SENP6: variants seen among roughly 807,000 people sequenced by gnomAD.
The protein encoded by SENP6 is SUMO specific peptidase 6, also known as sentrin-specific protease 6.
A neutral mutation model predicts 134.5 loss-of-function variants in SENP6; 41 were observed. The ratio of observed to expected loss-of-function variants is 0.30; its 90% CI spans 0.24 to 0.40. SENP6 has a LOEUF of 0.40. Ranked by LOEUF, SENP6 falls within the 10% of genes least tolerant of loss-of-function variation. SENP6 has a pLI of 1.00. For missense variants in SENP6, 1,248 were observed against 1,312.5 expected (o/e 0.95, Z 0.76); for synonymous variants, 395 against 429.8 (o/e 0.92, Z 1.00).
At chr6:75,617,068 A>G (rs1042608897) in intron 1 of SENP6, among the ~76,000 whole-genome samples, 1 of 151,690 alleles carries the variant, frequency 6.6e-6, no homozygotes, top group Non-Finnish European at 1.5e-5. Flanking sequence ...TTGTAGAGAC[A>G]GGATTTTGTC....
intron 11 of SENP6, 57 bp from the exon 12 acceptor site, chr6:75,675,378 G>T: frequency 1.0e-6 from 1 of 995,376 alleles, no homozygotes; most frequent in Non-Finnish European, 1.5e-6. Context: ...GAATAAAAAA[G>T]TGAAGCCTGC....
chr6:75,604,137 T>A (rs1444701368), intron 1 of SENP6, among the ~76,000 whole-genome samples: 1 of 152,214 alleles, frequency 6.6e-6, no homozygotes, highest in East Asian at 1.9e-4. Context: ...GAGTTAAAAT[T>A]CTAATTGGAT....
At chr6:75,707,746 A>C (rs1208790479) in intron 19 of SENP6, among the ~76,000 whole-genome samples, 1 of 152,052 alleles carries the variant, frequency 6.6e-6, no homozygotes, top group Non-Finnish European at 1.5e-5. Context: ...ACAGCAATAC[A>C]ATCACAGTTC....
Position 75,702,684 on chromosome 6 carries a change from G to C in SENP6, c.2328G>C (p.Leu776Phe). 6.2e-7 allele frequency: 1 copy of C among 1,601,428 alleles called. No homozygotes were observed. The change falls in exon 19 of 24, where the codon TTG (leucine) becomes TTC (phenylalanine). Residue 776 changes from leucine (L) to phenylalanine (F), a missense_variant. By Grantham distance (22) the Leu-to-Phe change is conservative (BLOSUM62 0). Transcript: ENST00000447266. ...TGGCTGTTGTTTGTTTCCCCGGTTT[G>C]GAAAAACCAAAGTATGAACCTAATC... Reference protein sequence around the residue: ...WFLAVVCFPGLEKPKYEPNPH... With the variant: ...WFLAVVCFPGFEKPKYEPNPH...
chr6:75,631,228 G>A (rs929786114), intron 3 of SENP6, among the ~76,000 whole-genome samples: 2 of 151,598 alleles, frequency 1.3e-5, no homozygotes, highest in African/African-American at 2.4e-5. Flanking sequence ...GATATTCTTC[G>A]GTGCTAAACT....
chr6:75,680,339 C>T (rs542390491), intron 16 of SENP6, among the ~76,000 whole-genome samples: 1 of 152,186 alleles, frequency 6.6e-6, no homozygotes, highest in African/African-American at 2.4e-5. Context: ...AGGACAGTGC[C>T]AATAAGCAGT....
At chr6:75,639,551 A>T (rs1769869887) in intron 5 of SENP6, among the ~76,000 whole-genome samples, 1 of 152,138 alleles carries the variant, frequency 6.6e-6, no homozygotes, top group African/African-American at 2.4e-5. Flanking sequence ...CTTTGCTTAC[A>T]GTTAGTTCCA....
intron 18 of SENP6, among the ~76,000 whole-genome samples, chr6:75,699,253 G>T (rs1455600335): frequency 2.0e-5 from 3 of 150,968 alleles, no homozygotes; most frequent in Non-Finnish European, 4.4e-5. Flanking sequence ...AGTGCTTCCA[G>T]TCATCTTAGT....
chr6:75,676,143 C>T, intron 13 of SENP6, 89 bp downstream of exon 13: 1 of 795,886 alleles, frequency 1.3e-6, no homozygotes, highest in Non-Finnish European at 1.9e-6. Flanking sequence ...TGCACTTTGA[C>T]AGATGCCTTA....
At chr6:75,708,270 C>T (rs192891140) in intron 19 of SENP6, among the ~76,000 whole-genome samples, 2 of 152,256 alleles carry the variant, frequency 1.3e-5, no homozygotes, top group East Asian at 3.9e-4. Flanking sequence ...CCATGTTAGC[C>T]AGTCTGGATT....
rs534341760 is a variant in SENP6 at position 75,693,409 on chromosome 6, T to TAAA, written c.2076-2377_2076-2375dup. Among the ~76,000 whole-genome samples the TAAA allele has an allele frequency of 3.8e-3, 472 of 123,954 alleles. 1 individual carries two copies. The highest frequency in any genetic ancestry group is 0.013 in the African/African-American group (422 of 32,782). 81.3% of individuals were successfully genotyped at this position (123,954 alleles called of 152,430 possible). A position where few individuals can be genotyped will look rare whatever the true frequency, so the allele number is the denominator to read the frequency against. On this transcript the variant is annotated intron_variant, in intron 16 of 23. Transcript: ENST00000447266. Reference sequence around the variant, plus strand: ...ACAGAGTGATACTCAGTCTGAAATTTAAAAAAAAAAAAAAAAAAAACACCA... The same window carrying TAAA: ...ACAGAGTGATACTCAGTCTGAAATTTAAAAAAAAAAAAAAAAAAAAAAACACCA...
At chr6:75,614,808 G>T (rs1159317651) in intron 1 of SENP6, among the ~76,000 whole-genome samples, 1 of 152,176 alleles carries the variant, frequency 6.6e-6, no homozygotes, top group Non-Finnish European at 1.5e-5. Context: ...GGAGAAATTA[G>T]ATGTTTGCTG....
At chr6:75,681,294 T>G (rs1468627223) in intron 16 of SENP6, among the ~76,000 whole-genome samples, 1 of 152,052 alleles carries the variant, frequency 6.6e-6, no homozygotes, top group East Asian at 1.9e-4. Context: ...CCCCCTTTGC[T>G]CTCTGTTACT....
At chr6:75,706,372 A>G (rs1030331520) in intron 19 of SENP6, among the ~76,000 whole-genome samples, 4 of 152,172 alleles carry the variant, frequency 2.6e-5, no homozygotes, top group African/African-American at 7.2e-5. Flanking sequence ...GGCTTTTTAA[A>G]GTCTCCTTTT....
Position 75,715,556 on chromosome 6 carries a change from GA to G in SENP6, c.3303del (p.Gly1102GlufsTer26). The G allele has an allele frequency of 6.2e-7, 1 of 1,613,028 alleles. No individual in the cohort carries two copies. Among genetic ancestry groups the G allele is most frequent in the East Asian group, 2.2e-5 (1 of 44,788 alleles). On this transcript the variant is annotated frameshift_variant, in exon 24 of 24. Transcript: ENST00000447266. LOFTEE classifies it high-confidence loss of function. Reference sequence around the variant, plus strand: ...TTACTCAACAGAAGCACCTTTAGGCGAAGGAACAGAACAATATGTCAATAGT... The same window carrying G: ...TTACTCAACAGAAGCACCTTTAGGCGAGGAACAGAACAATATGTCAATAGT... Reference protein sequence around the residue: ...DTYSTEAPLGEGTEQYVNSIS... With the variant: ...DTYSTEAPLGXGTEQYVNSIS...
rs975056752 is a variant in SENP6 at position 75,717,074 on chromosome 6, A to G, written c.*1480A>G. Reference sequence around the variant, plus strand: ...CAACTGTAGTTTGTTACTTTGAACTATATTTCTGATTAACTCTTTATAGTA... The same window carrying G: ...CAACTGTAGTTTGTTACTTTGAACTGTATTTCTGATTAACTCTTTATAGTA... On this transcript the variant is annotated 3_prime_UTR_variant, in exon 24 of 24. Coordinates refer to ENST00000447266, the MANE Select transcript of SENP6 (RefSeq NM_015571.4). 1 of 151,994 alleles carries G rather than the reference A, an allele frequency of 6.6e-6. No homozygotes were observed. The highest frequency in any genetic ancestry group is 2.4e-5 in the African/African-American group (1 of 41,444). The allele number at this position is 151,994 out of a possible 1,614,324, so 9.4% of individuals were successfully genotyped here.
chr6:75,683,015 CCCA>C (rs1773572859), intron 16 of SENP6, among the ~76,000 whole-genome samples: 1 of 152,188 alleles, frequency 6.6e-6, no homozygotes, highest in Admixed American at 6.5e-5. Context: ...AATTTACACT[CCCA>C]CCAACTGTGT....
At chr6:75,667,268 A>G (rs373598331) in intron 10 of SENP6, among the ~76,000 whole-genome samples, 29 of 152,314 alleles carry the variant, frequency 1.9e-4, no homozygotes, top group East Asian at 1.7e-3. Flanking sequence ...CTGTAATACT[A>G]TGTTTCATTA....
At chr6:75,695,181 A>G (rs1005419652) in intron 16 of SENP6, among the ~76,000 whole-genome samples, 1 of 151,740 alleles carries the variant, frequency 6.6e-6, no homozygotes, top group African/African-American at 2.4e-5. Flanking sequence ...CAGCCTAACA[A>G]GGTTTTTGGT....
Sources: gnomAD v4.1 joint callset for allele counts (sites outside exome capture counted in the v4.1 genomes callset) on GRCh38, gnomAD v4.1.1 for gene constraint, MANE v1.5 for transcripts, NCBI Gene and HGNC (gene_info 2026-07-23, HGNC 2026-07-21) for gene names.